Variants in OPRM1 observed in about 807,000 individuals in gnomAD.
The protein encoded by OPRM1 is mu-type opioid receptor.
OPRM1 carries 27 observed loss-of-function variants against 31.8 expected under a neutral mutation model. The ratio of observed to expected loss-of-function variants is 0.85; its 90% confidence interval spans 0.63 to 1.17. The LOEUF (loss-of-function observed/expected upper bound fraction) is 1.17. Ranked by LOEUF, OPRM1 falls within the 50% of genes most tolerant of loss-of-function variation. OPRM1 has a pLI of 0.00. For synonymous variants in OPRM1, 196 were observed against 189.9 expected, an observed-to-expected ratio of 1.03 and a Z score of -0.26; for missense variants, 536 against 511.1, an observed-to-expected ratio of 1.05 and a Z score of -0.47.
chr6:154,147,644 ACCT>A (rs1193265954), intron 3 of OPRM1, among the ~76,000 whole-genome samples: 1 of 151,976 alleles, frequency 6.6e-6, no homozygotes, highest in African/African-American at 2.4e-5. Flanking sequence ...AGCAAATCCT[ACCT>A]CCTCATGATT....
At chr6:154,194,777 T>G (rs978369440) in intron 3 of OPRM1, among the ~76,000 whole-genome samples, 1 of 150,232 alleles carries the variant, frequency 6.7e-6, no homozygotes, top group Non-Finnish European at 1.5e-5. Context: ...CATAACTTCA[T>G]GACAACTCAT....
At chr6:154,197,934 T>A (rs1415504145) in intron 3 of OPRM1, among the ~76,000 whole-genome samples, 3 of 152,224 alleles carry the variant, frequency 2.0e-5, no homozygotes, top group Non-Finnish European at 4.4e-5. Context: ...TTATTTTCTT[T>A]AGTTTCACCA....
intron 3 of OPRM1, among the ~76,000 whole-genome samples, chr6:154,199,172 C>A (rs1007699794): frequency 3.9e-5 from 6 of 152,194 alleles, no homozygotes; most frequent in Admixed American, 3.9e-4. Flanking sequence ...AAAGTGCATG[C>A]AAATTGTCTG....
chr6:154,111,746 GTTTA>G (rs1181314759), intron 3 of OPRM1, among the ~76,000 whole-genome samples: 1 of 114,860 alleles, frequency 8.7e-6, no homozygotes, highest in Non-Finnish European at 1.7e-5. Context: ...AAAAACTATA[GTTTA>G]TTTTTATTTA....
chr6:154,060,670 C>T (rs1172779927), intron 1 of OPRM1, among the ~76,000 whole-genome samples: 1 of 152,010 alleles, frequency 6.6e-6, no homozygotes, highest in Non-Finnish European at 1.5e-5. Context: ...AGTTTTTTCC[C>T]CCGAAAAATC....
Position 154,194,269 on chromosome 6 carries a change from C to T in OPRM1, c.1165-52424C>T, listed in dbSNP as rs952914135. The stretch of plus-strand genomic sequence containing the variant: ...ACAAAATTAGCCAGGCGTGGTGGCG[C>T]ATGCCTGTAATCCCAGCTACTTGGG... On this transcript the variant is annotated intron_variant, in intron 3 of 3. Transcript: ENST00000337049. Among the ~76,000 whole-genome samples, 7 of 152,282 alleles carry T rather than the reference C, an allele frequency of 4.6e-5. No individual in the cohort carries two copies. In the East Asian group the frequency reaches 1.4e-3, roughly 29 times the overall value.
chr6:154,180,414 A>ATATATATATATATTTT (rs1241250621), intron 3 of OPRM1, among the ~76,000 whole-genome samples: 3 of 65,268 alleles, frequency 4.6e-5, no homozygotes, highest in African/African-American at 9.6e-5. Flanking sequence ...ATATATATAT[A>ATATATATATATATTTT]TTTTTTTTTT....
intron 3 of OPRM1, among the ~76,000 whole-genome samples, chr6:154,236,768 T>C (rs1282295315): frequency 6.6e-6 from 1 of 152,054 alleles, no homozygotes; most frequent in Admixed American, 6.6e-5. Context: ...AGATGGTGGG[T>C]GGTTTGCCTA....
chr6:154,041,723 G>A (rs749421468), intron 1 of OPRM1, among the ~76,000 whole-genome samples: 1 of 151,754 alleles, frequency 6.6e-6, no homozygotes, highest in African/African-American at 2.4e-5. Context: ...AATAACTTGG[G>A]AATAACAAAT....
At chr6:154,018,691 A>T (rs1778156923) in intron 1 of OPRM1, among the ~76,000 whole-genome samples, 1 of 152,084 alleles carries the variant, frequency 6.6e-6, no homozygotes, top group Admixed American at 6.6e-5. Flanking sequence ...GGGAATGAAG[A>T]CTCAACCCCT....
intron 1 of OPRM1, among the ~76,000 whole-genome samples, chr6:154,026,977 G>T (rs1583143728): frequency 6.6e-6 from 1 of 152,074 alleles, no homozygotes; most frequent in Admixed American, 6.6e-5. Flanking sequence ...TCATTTAGTG[G>T]GGTCGTATTT....
rs866096570 is a variant in OPRM1 at position 154,039,760 on chromosome 6, G to C, written c.216G>C (p.Thr72=). 4.4e-6 allele frequency: 7 copies of C among 1,606,018 alleles called. No individual in the cohort carries two copies. The highest frequency in any genetic ancestry group is 5.1e-6 in the Non-Finnish European group (6 of 1,179,932). The part of the protein sequence containing the change: ...TGSPSMITAI[T]IMALYSIVCV... Reference sequence around the variant, plus strand: ...GTCCCTCCATGATCACGGCCATCACGATCATGGCCCTCTACTCCATCGTGT... The same window carrying C: ...GTCCCTCCATGATCACGGCCATCACCATCATGGCCCTCTACTCCATCGTGT... The change falls in exon 1 of 4, where the codon ACG becomes ACC. Residue 72 remains threonine (T), a synonymous_variant. Coordinates refer to ENST00000330432, the MANE Select transcript of OPRM1 (RefSeq NM_000914.5).
intron 3 of OPRM1, among the ~76,000 whole-genome samples, chr6:154,180,404 ATATATATATATTTTTT>A (rs1291438771): frequency 6.6e-3 from 267 of 40,404 alleles, no homozygotes; most frequent in African/African-American, 0.019. Flanking sequence ...ATATATATAT[ATATATATATATTTTTT>A]TTTTAAACAT....
intron 1 of OPRM1, among the ~76,000 whole-genome samples, chr6:154,031,736 G>A (rs755219675): frequency 9.2e-5 from 14 of 151,952 alleles, no homozygotes; most frequent in Non-Finnish European, 1.8e-4. Flanking sequence ...GTGAGACTCC[G>A]TCTCGGAAAA....
intron 1 of OPRM1, among the ~76,000 whole-genome samples, chr6:154,080,267 A>G (rs541353662): frequency 6.6e-6 from 1 of 152,378 alleles, no homozygotes; most frequent in African/African-American, 2.4e-5. Flanking sequence ...ACTTACAAAC[A>G]TACTCATGGC....
At chr6:154,066,368 G>A (rs1390038512) in intron 1 of OPRM1, among the ~76,000 whole-genome samples, 1 of 151,854 alleles carries the variant, frequency 6.6e-6, no homozygotes, top group African/African-American at 2.4e-5. Context: ...TAAGTGTTTG[G>A]TACAATTCAC....
At chr6:154,153,666 C>G (rs1798604339) in intron 3 of OPRM1, among the ~76,000 whole-genome samples, 1 of 141,718 alleles carries the variant, frequency 7.1e-6, no homozygotes, top group African/African-American at 2.7e-5. Context: ...GCCTGCGCGA[C>G]AGAGTGAAAC....
At chr6:154,027,678 G>A (rs1459382039) in intron 1 of OPRM1, among the ~76,000 whole-genome samples, 3 of 152,216 alleles carry the variant, frequency 2.0e-5, no homozygotes, top group Non-Finnish European at 4.4e-5. Flanking sequence ...GGCTGAAGTA[G>A]TACTCAAACC....
intron 3 of OPRM1, chr6:154,159,693 G>C (rs553667030): frequency 7.3e-6 from 5 of 681,088 alleles, no homozygotes; most frequent in Admixed American, 2.9e-5. Flanking sequence ...TTCATCTAAC[G>C]TGCATCTTTA....
Sources: allele counts gnomAD v4.1 joint callset (sites outside exome capture counted in the v4.1 genomes callset), GRCh38; gene constraint gnomAD v4.1.1; transcripts MANE v1.5; gene names NCBI Gene and HGNC (gene_info 2026-07-23, HGNC 2026-07-21).